PALM2AKAP2: variants seen among roughly 807,000 people sequenced by gnomAD.
PALM2AKAP2 encodes the protein PALM2 and AKAP2 fusion, also known as PALM2-AKAP2 fusion protein.
Under a neutral mutation model 71.5 loss-of-function variants are expected in PALM2AKAP2, and 37 were observed. The ratio of observed to expected loss-of-function variants is 0.52; its 90% confidence interval spans 0.40 to 0.68. The LOEUF (loss-of-function observed/expected upper bound fraction) is 0.68, where lower values mean the gene tolerates loss of function less well. Among genes scored for constraint, PALM2AKAP2 ranks in the 30% least tolerant of loss-of-function variants. The probability of loss-of-function intolerance (pLI) is 0.00; values close to 1 mark genes in which losing one functional copy is unlikely to be tolerated. For missense variants in PALM2AKAP2, 1,224 were observed against 1,191.8 expected (o/e 1.03, Z -0.40); for synonymous variants, 468 against 478.8 (o/e 0.98, Z 0.29).
At chr9:110,007,104 C>T (rs919026733) in intron 6 of PALM2AKAP2, among the ~76,000 whole-genome samples, 3 of 152,106 alleles carry the variant, frequency 2.0e-5, no homozygotes, top group Admixed American at 6.6e-5. Context: ...AGAATCCTCC[C>T]TTTTCCTGTC....
intron 6 of PALM2AKAP2, among the ~76,000 whole-genome samples, chr9:110,014,804 ATGTATATATATATATAT>A (rs1368306648): frequency 7.0e-4 from 3 of 4,294 alleles, no homozygotes; most frequent in East Asian, 4.2e-3. Flanking sequence ...AAAAAAAAAA[ATGTATATATATATATAT>A]ATATATATAT....
Position 109,750,570 on chromosome 9 carries a change from A to AAGTGTGTGTGTGTG in PALM2AKAP2, c.6-29918_6-29917insAGTGTGTGTGTGTG, listed in dbSNP as rs746154004. On this transcript the variant is annotated intron_variant, in intron 1 of 6. Coordinates refer to the PALM2AKAP2 transcript ENST00000374531. ...CTCATCCTCAGAGCTCTGCCCTAGG[A>AAGTGTGTGTGTGTG]CGTGTGTGTGTGTGTGTGTGTGTGT... 1.3e-3 allele frequency among the ~76,000 whole-genome samples: 124 copies of AAGTGTGTGTGTGTG among 97,844 alleles called. 1 individual carries two copies. Among genetic ancestry groups the AAGTGTGTGTGTGTG allele is most frequent in the East Asian group, 1.4e-3 (5 of 3,500 alleles). The allele number at this position is 97,844 out of a possible 152,430, so 64.2% of individuals were successfully genotyped here.
intron 1 of PALM2AKAP2, among the ~76,000 whole-genome samples, chr9:109,745,978 G>A (rs1399572187): frequency 1.3e-5 from 2 of 152,192 alleles, no homozygotes; most frequent in African/African-American, 4.8e-5. Flanking sequence ...GGCATTCAGA[G>A]GTAACAATAT....
At chr9:109,645,036 C>CT (rs551849537) in intron 1 of PALM2AKAP2, among the ~76,000 whole-genome samples, 4 of 152,184 alleles carry the variant, frequency 2.6e-5, no homozygotes, top group Non-Finnish European at 5.9e-5. Context: ...ACAGTTTTGA[C>CT]TATTTTTTCA....
intron 1 of PALM2AKAP2, among the ~76,000 whole-genome samples, chr9:109,731,261 A>C (rs1478086863): frequency 1.3e-5 from 2 of 152,226 alleles, no homozygotes. Flanking sequence ...GGAATCAATA[A>C]GGCTGCATGA....
chr9:109,919,388 T>C (rs1830771957), intron 3 of PALM2AKAP2, among the ~76,000 whole-genome samples: 1 of 152,238 alleles, frequency 6.6e-6, no homozygotes, highest in Admixed American at 6.5e-5. Flanking sequence ...AGTTACAAAC[T>C]AATTTTTTAA....
At chr9:110,122,951 T>C (rs1835521324) in intron 1 of PALM2AKAP2, among the ~76,000 whole-genome samples, 1 of 152,234 alleles carries the variant, frequency 6.6e-6, no homozygotes, top group Non-Finnish European at 1.5e-5. Flanking sequence ...GGGATGGCTC[T>C]GTTTATGCTT....
At chr9:109,899,120 C>G (rs1014156439) in intron 3 of PALM2AKAP2, among the ~76,000 whole-genome samples, 3 of 152,106 alleles carry the variant, frequency 2.0e-5, no homozygotes, top group African/African-American at 7.2e-5. Context: ...CCCATATAGC[C>G]AACTGCCCCC....
At chr9:109,709,958 C>T (rs1268154246) in intron 1 of PALM2AKAP2, among the ~76,000 whole-genome samples, 1 of 152,120 alleles carries the variant, frequency 6.6e-6, no homozygotes, top group Non-Finnish European at 1.5e-5. Flanking sequence ...TTGAGATCAT[C>T]GTGGATTACC....
At chr9:109,943,140 C>G in intron 6 of PALM2AKAP2, 1 of 1,614,148 alleles carries the variant, frequency 6.2e-7, no homozygotes, top group Non-Finnish European at 8.5e-7. Flanking sequence ...TTATGGGCTA[C>G]CAAAATATCG....
chr9:109,683,261 G>A (rs981873887), intron 1 of PALM2AKAP2, among the ~76,000 whole-genome samples: 1 of 152,140 alleles, frequency 6.6e-6, no homozygotes, highest in African/African-American at 2.4e-5. Flanking sequence ...CCCAATTTCA[G>A]GTATTTCTGT....
intron 1 of PALM2AKAP2, among the ~76,000 whole-genome samples, chr9:110,060,918 TA>T (rs1286225996): frequency 4.6e-5 from 7 of 152,196 alleles, no homozygotes; most frequent in Non-Finnish European, 8.8e-5. Context: ...GCTTACAAGT[TA>T]AGCTACTTGT....
At chr9:109,926,848 C>T (rs908612482) in intron 5 of PALM2AKAP2, among the ~76,000 whole-genome samples, 1 of 152,144 alleles carries the variant, frequency 6.6e-6, no homozygotes, top group Non-Finnish European at 1.5e-5. Flanking sequence ...AAAATGCAGC[C>T]GCATCATAAA....
At chr9:110,024,992 G>C (rs1833150059) in intron 7 of PALM2AKAP2, 1 of 1,282,738 alleles carries the variant, frequency 7.8e-7, no homozygotes, top group African/African-American at 1.5e-5. Flanking sequence ...GTTGAACCCA[G>C]GTACCTTTCT....
chr9:109,982,995 AT>A (rs1222461085), intron 6 of PALM2AKAP2, among the ~76,000 whole-genome samples: 3 of 152,174 alleles, frequency 2.0e-5, no homozygotes, highest in African/African-American at 7.2e-5. Context: ...TGAAGATTAG[AT>A]CCCATTAGTC....
In PALM2AKAP2 at chr9:110,125,702, G is replaced by A. The variant is rs140634704; in HGVS notation, c.157-10425G>A. 1.3e-4 allele frequency: 86 copies of A among 665,570 alleles called. No individual in the cohort carries two copies. The African/African-American group carries it at 1.6e-3, about 12-fold the overall frequency. 41.2% of individuals were successfully genotyped at this position (665,570 alleles called of 1,614,324 possible). A position where few individuals can be genotyped will look rare whatever the true frequency, so the allele number is the denominator to read the frequency against. On this transcript the variant is annotated intron_variant, in intron 1 of 3. Coordinates refer to ENST00000374525, the Ensembl canonical transcript of PALM2AKAP2. Reference sequence around the variant, plus strand: ...TCTTTATGGAGGAGGTTTTCTGAGTGTGTCATGTGCTGTGGAGTCCTTTCT... The same window carrying A: ...TCTTTATGGAGGAGGTTTTCTGAGTATGTCATGTGCTGTGGAGTCCTTTCT...
At position 109,925,090 on chromosome 9, in the gene PALM2AKAP2, C is replaced by A; in HGVS notation, c.394+8C>A. Reference sequence around the variant, plus strand: ...TCTCCAGTACGGATGGAGGTAAGTGCTCTCTGCCCCGACTGTAGATGAATG... The same window carrying A: ...TCTCCAGTACGGATGGAGGTAAGTGATCTCTGCCCCGACTGTAGATGAATG... On this transcript the variant is annotated splice_region_variant and intron_variant, in intron 5 of 9. Coordinates refer to the PALM2AKAP2 transcript ENST00000302798. 6.2e-7 allele frequency: 1 copy of A among 1,614,126 alleles called. No homozygotes were observed. Among genetic ancestry groups the A allele is most frequent in the South Asian group, 1.1e-5 (1 of 91,080 alleles).
At chr9:110,164,959 T>C (rs942834352) in intron 3 of PALM2AKAP2, among the ~76,000 whole-genome samples, 9 of 152,322 alleles carry the variant, frequency 5.9e-5, no homozygotes, top group African/African-American at 2.2e-4. Flanking sequence ...GATAGTCTGG[T>C]GGCCTCAAGC....
intron 3 of PALM2AKAP2, among the ~76,000 whole-genome samples, chr9:109,905,793 G>C (rs780197025): frequency 6.6e-6 from 1 of 152,106 alleles, no homozygotes; most frequent in African/African-American, 2.4e-5. Context: ...TCAAATTCAT[G>C]CCTTGGCCAA....
Sources: allele counts gnomAD v4.1 joint callset (sites outside exome capture counted in the v4.1 genomes callset), GRCh38; gene constraint gnomAD v4.1.1; transcripts MANE v1.5; gene names NCBI Gene and HGNC (gene_info 2026-07-23, HGNC 2026-07-21).